FOXK1: variants seen among roughly 807,000 people sequenced by gnomAD.
FOXK1 encodes the protein forkhead box protein K1.
Under a neutral mutation model 51.9 loss-of-function variants are expected in FOXK1, and 19 were observed. That is an observed-to-expected ratio of 0.37 (90% CI 0.26 to 0.54). The LOEUF (loss-of-function observed/expected upper bound fraction) is 0.54, where lower values mean the gene tolerates loss of function less well. FOXK1 is among the 20% of genes least tolerant of loss of function. FOXK1 has a pLI of 0.87. For missense variants in FOXK1, 870 were observed against 1,032.7 expected (o/e 0.84, Z 2.16); for synonymous variants, 537 against 482.6 (o/e 1.11, Z -1.48).
In FOXK1 at chr7:4,711,705, G is replaced by A. The variant is rs768233238; in HGVS notation, c.560+28837G>A. Among the ~76,000 whole-genome samples the A allele has an allele frequency of 1.4e-4, 22 of 152,356 alleles. No individual in the cohort carries two copies. Among genetic ancestry groups the A allele is most frequent in the South Asian group, 6.2e-4 (3 of 4,834 alleles). ...ATAAGGGGTGGGCAGTGGTGCTGCC[G>A]TGTCTTGTCAGGAGGCCAGCTCTGT... On this transcript the variant is annotated intron_variant, in intron 1 of 8. Coordinates refer to ENST00000328914, the MANE Select transcript of FOXK1 (RefSeq NM_001037165.2). This position sits in a 1 kb window ranked among gnomAD's most constrained non-coding sequence, Gnocchi z 6.3.
chr7:4,753,813 G>A lies in FOXK1; in HGVS notation c.747-646G>A, dbSNP rs976257549. 2.0e-5 allele frequency among the ~76,000 whole-genome samples: 3 copies of A among 152,162 alleles called. No homozygotes were observed. Among genetic ancestry groups the A allele is most frequent in the Non-Finnish European group, 2.9e-5 (2 of 68,024 alleles). On this transcript the variant is annotated intron_variant, in intron 2 of 8. Coordinates refer to ENST00000328914, the MANE Select transcript of FOXK1 (RefSeq NM_001037165.2). The surrounding 1 kb of genome is among the most constrained non-coding windows in gnomAD (Gnocchi z 4.9). ...TCAACCCAGAGCCTCACCTGCAGCC[G>A]GGGGTGTCGGTCACTCCCAGCCATC...
chr7:4,717,026 T>TGTGGCTGGGAGGCAC (rs1780243642), intron 1 of FOXK1, among the ~76,000 whole-genome samples: 1 of 126,888 alleles, frequency 7.9e-6, no homozygotes, highest in East Asian at 2.4e-4. Context: ...GTGGGAGGCG[T>TGTGGCTGGGAGGCAC]GTGGCTGGGA....
rs1780750000 is a variant in FOXK1 at position 4,749,678 on chromosome 7, C to T, written c.747-4781C>T. On this transcript the variant is annotated intron_variant, in intron 2 of 8. Transcript: ENST00000328914. This position sits in a 1 kb window ranked among gnomAD's most constrained non-coding sequence, Gnocchi z 6.0. The stretch of plus-strand genomic sequence containing the variant: ...TGGGCCTGCCGGAAGCGATAACTGT[C>T]CCGACCCTAGGCCTCTCAGGGTGGC... Among the ~76,000 whole-genome samples the T allele has an allele frequency of 6.6e-6, 1 of 152,216 alleles. No individual in the cohort carries two copies. The highest frequency in any genetic ancestry group is 2.4e-5 in the African/African-American group (1 of 41,452).
intron 1 of FOXK1, among the ~76,000 whole-genome samples, chr7:4,713,313 GGATTCCCGCTCACTGA>G (rs1023051399): frequency 8.1e-5 from 12 of 148,476 alleles, no homozygotes; most frequent in East Asian, 5.8e-4. Context: ...GGGCGGGCTG[GGATTCCCGCTCACTGA>G]GATTCCCGCT....
At position 4,683,978 on chromosome 7, in the gene FOXK1, G is replaced by A. The variant is rs1779786624; in HGVS notation, c.560+1110G>A. On this transcript the variant is annotated intron_variant, in intron 1 of 8. Coordinates refer to ENST00000328914, the MANE Select transcript of FOXK1 (RefSeq NM_001037165.2). The surrounding 1 kb of genome is among the most constrained non-coding windows in gnomAD (Gnocchi z 4.5). ...CCAAGATCAAATTAGATTCCCCCGG[G>A]CCCGAGGTCACCAGGGCAGAGAGAC... 6.6e-6 allele frequency among the ~76,000 whole-genome samples: 1 copy of A among 152,110 alleles called. No individual in the cohort carries two copies. The highest frequency in any genetic ancestry group is 2.4e-5 in the African/African-American group (1 of 41,406).
At position 4,682,963 on chromosome 7, in the gene FOXK1, T is replaced by A; in HGVS notation, c.560+95T>A. 7.9e-7 allele frequency: 1 copy of A among 1,258,150 alleles called. No homozygotes were observed. Among genetic ancestry groups the A allele is most frequent in the Non-Finnish European group, 1.0e-6 (1 of 961,312 alleles). 77.9% of individuals were successfully genotyped at this position (1,258,150 alleles called of 1,614,324 possible). A position where few individuals can be genotyped will look rare whatever the true frequency, so the allele number is the denominator to read the frequency against. On this transcript the variant is annotated intron_variant, in intron 1 of 8. Coordinates refer to ENST00000328914, the MANE Select transcript of FOXK1 (RefSeq NM_001037165.2). The surrounding 1 kb of genome is among the most constrained non-coding windows in gnomAD (Gnocchi z 7.6). ...GCCTGGGGATCCCCCTCCAGCTTCCTCGGCCTCGACCCCCACCCCCCGGCC... is the reference window on the plus strand; with the variant it reads ...GCCTGGGGATCCCCCTCCAGCTTCCACGGCCTCGACCCCCACCCCCCGGCC...
At chr7:4,759,859 C>T (rs1780908580) in intron 7 of FOXK1, 2 of 555,738 alleles carry the variant, frequency 3.6e-6, no homozygotes, top group East Asian at 3.1e-5. Flanking sequence ...ACTGAAACCC[C>T]GTCTCTACTG....
In FOXK1 at chr7:4,683,270, T is replaced by C. The variant is rs1779776730; in HGVS notation, c.560+402T>C. 4.0e-5 allele frequency among the ~76,000 whole-genome samples: 6 copies of C among 149,064 alleles called. No individual in the cohort carries two copies. The highest frequency in any genetic ancestry group is 4.0e-4 in the Admixed American group (6 of 15,060). On this transcript the variant is annotated intron_variant, in intron 1 of 8. Transcript: ENST00000328914. The surrounding 1 kb of genome is among the most constrained non-coding windows in gnomAD (Gnocchi z 4.5). ...TACCCCAAGCCCATCTGGCTGGGCCTCTTAGACCCCTGACCCAGATCCCTG... is the reference window on the plus strand; with the variant it reads ...TACCCCAAGCCCATCTGGCTGGGCCCCTTAGACCCCTGACCCAGATCCCTG...
At chr7:4,708,340 G>T (rs139436586) in intron 1 of FOXK1, among the ~76,000 whole-genome samples, 4 of 152,096 alleles carry the variant, frequency 2.6e-5, no homozygotes, top group African/African-American at 9.7e-5. Context: ...AAAACTGGAA[G>T]CCCCCGTGGA....
At chr7:4,744,787 C>T (rs1374358821) in intron 2 of FOXK1, among the ~76,000 whole-genome samples, 1 of 152,264 alleles carries the variant, frequency 6.6e-6, no homozygotes, top group African/African-American at 2.4e-5. Flanking sequence ...TCCCCTCCTT[C>T]CGCCCAGTCC....
At chr7:4,736,423 T>G (rs562605169) in intron 1 of FOXK1, among the ~76,000 whole-genome samples, 2 of 152,054 alleles carry the variant, frequency 1.3e-5, no homozygotes, top group Admixed American at 1.3e-4. Flanking sequence ...TGTTTTTTTT[T>G]TTTTTTTAAG....
At position 4,754,644 on chromosome 7, in the gene FOXK1, C is replaced by G; in HGVS notation, c.903+29C>G. 6 of 1,593,426 alleles carry G rather than the reference C, an allele frequency of 3.8e-6. 1 individual carries two copies. The South Asian group carries it at 6.6e-5, about 18-fold the overall frequency. Reference sequence around the variant, plus strand: ...TGAGCCCACCTGGCGCCGTGGTGCACCTGGTGACCCAGGATCGGGCCATAG... The same window carrying G: ...TGAGCCCACCTGGCGCCGTGGTGCAGCTGGTGACCCAGGATCGGGCCATAG... On this transcript the variant is annotated intron_variant, in intron 3 of 8. Transcript: ENST00000328914.
At position 4,735,002 on chromosome 7, in the gene FOXK1, T is replaced by G. The variant is rs1267739556; in HGVS notation, c.561-5836T>G. Among the ~76,000 whole-genome samples, 1 of 152,190 alleles carries G rather than the reference T, an allele frequency of 6.6e-6. No individual in the cohort carries two copies. Among genetic ancestry groups the G allele is most frequent in the African/African-American group, 2.4e-5 (1 of 41,440 alleles). ...GAAATGATGACAATTGTATTTATAT[T>G]TATGTCATCGAGAATTAAGTGAGCT... is the stretch of plus-strand genomic sequence containing the variant. On this transcript the variant is annotated intron_variant, in intron 1 of 8. Coordinates refer to ENST00000328914, the MANE Select transcript of FOXK1 (RefSeq NM_001037165.2). The surrounding 1 kb of genome is among the most constrained non-coding windows in gnomAD (Gnocchi z 4.7).
In FOXK1 at chr7:4,761,088, C is replaced by T; in HGVS notation, c.1721C>T (p.Ala574Val). The change falls in exon 8 of 9, where the codon GCG becomes GTG. Residue 574 changes from alanine (A) to valine (V), a missense_variant. Transcript: ENST00000328914. This position sits in a 1 kb window ranked among gnomAD's most constrained non-coding sequence, Gnocchi z 6.2. ...GGCCTGGAGGAGAAACCCACCATTGCGTTTGCCACAATCCCCGCGGCTGGT... is the reference window on the plus strand; with the variant it reads ...GGCCTGGAGGAGAAACCCACCATTGTGTTTGCCACAATCCCCGCGGCTGGT... The part of the protein sequence containing the change: ...ARGLEEKPTI[A>V]FATIPAAGGV... 2 of 1,612,916 alleles carry T rather than the reference C, an allele frequency of 1.2e-6. No homozygotes were observed. The highest frequency in any genetic ancestry group is 1.7e-6 in the Non-Finnish European group (2 of 1,179,774).
intron 1 of FOXK1, among the ~76,000 whole-genome samples, chr7:4,692,363 C>T (rs1254784091): frequency 6.6e-6 from 1 of 152,132 alleles, no homozygotes; most frequent in Non-Finnish European, 1.5e-5. Flanking sequence ...TTCCTTGAGA[C>T]CTCACTAAAA....
At position 4,749,475 on chromosome 7, in the gene FOXK1, G is replaced by C. The variant is rs948566333; in HGVS notation, c.747-4984G>C. Among the ~76,000 whole-genome samples the C allele has an allele frequency of 2.0e-5, 3 of 152,218 alleles. No homozygotes were observed. The East Asian group carries it at 5.8e-4, about 29-fold the overall frequency. ...CCTCTGCAGGGAGGTTCCCCCAGGA[G>C]GCTTCAGGTGCCGCCTTGGGACGCA... On this transcript the variant is annotated intron_variant, in intron 2 of 8. Transcript: ENST00000328914. The surrounding 1 kb of genome is among the most constrained non-coding windows in gnomAD (Gnocchi z 6.0).
Position 4,762,815 on chromosome 7 carries a change from C to G in FOXK1, c.*351C>G, listed in dbSNP as rs936348291. ...AATGTGTCAAGACAGCCCCTCCGCTCCGCGCTGCACGGCCAGCCGCCTTTG... is the reference window on the plus strand; with the variant it reads ...AATGTGTCAAGACAGCCCCTCCGCTGCGCGCTGCACGGCCAGCCGCCTTTG... On this transcript the variant is annotated 3_prime_UTR_variant, in exon 9 of 9. Transcript: ENST00000328914. This position sits in a 1 kb window ranked among gnomAD's most constrained non-coding sequence, Gnocchi z 5.7. The G allele has an allele frequency of 4.1e-6, 1 of 241,248 alleles. No homozygotes were observed. Among genetic ancestry groups the G allele is most frequent in the African/African-American group, 2.3e-5 (1 of 44,182 alleles). The allele number at this position is 241,248 out of a possible 1,614,324, so 14.9% of individuals were successfully genotyped here.
chr7:4,710,949 G>A (rs1255029344), intron 1 of FOXK1, among the ~76,000 whole-genome samples: 4 of 152,110 alleles, frequency 2.6e-5, no homozygotes, highest in Non-Finnish European at 5.9e-5. Flanking sequence ...GTGTCTGTCC[G>A]CATTACCTGT....
chr7:4,744,634 C>G (rs532581663), intron 2 of FOXK1, among the ~76,000 whole-genome samples: 2 of 152,362 alleles, frequency 1.3e-5, no homozygotes, highest in African/African-American at 4.8e-5. Flanking sequence ...GCACCTGAAG[C>G]TCTTGCAGCT....
Sources: gnomAD v4.1 joint callset for allele counts (sites outside exome capture counted in the v4.1 genomes callset) on GRCh38, gnomAD v4.1.1 for gene constraint, Gnocchi (gnomAD v3.1) non-coding constraint, MANE v1.5 for transcripts, NCBI Gene and HGNC (gene_info 2026-07-23, HGNC 2026-07-21) for gene names.